KCNQ5: variants seen among roughly 807,000 people sequenced by gnomAD.
KCNQ5 encodes the protein potassium voltage-gated channel subfamily Q member 5, also known as potassium voltage-gated channel subfamily KQT member 5.
KCNQ5 carries 30 observed loss-of-function variants against 98.2 expected under a neutral mutation model. That is an observed-to-expected ratio of 0.31 (90% CI 0.23 to 0.41). The LOEUF (loss-of-function observed/expected upper bound fraction) is 0.41. Ranked by LOEUF, KCNQ5 falls within the 10% of genes least tolerant of loss-of-function variation. The pLI is 1.00. For missense variants in KCNQ5, 835 were observed against 1,182.5 expected (o/e 0.71, Z 4.31); for synonymous variants, 458 against 449.4 (o/e 1.02, Z -0.24).
chr6:72,661,508 A>G (rs965460360), intron 1 of KCNQ5, among the ~76,000 whole-genome samples: 14 of 152,150 alleles, frequency 9.2e-5, no homozygotes, highest in African/African-American at 2.2e-4. Context: ...GAGAATACAT[A>G]GAAGATTTTT....
intron 1 of KCNQ5, among the ~76,000 whole-genome samples, chr6:72,645,317 T>G (rs1480499080): frequency 6.6e-6 from 1 of 151,376 alleles, no homozygotes; most frequent in Non-Finnish European, 1.5e-5. Context: ...GCTCAGGAGT[T>G]TGCAGCTGCA....
chr6:72,788,633 T>A (rs772398639), intron 1 of KCNQ5, among the ~76,000 whole-genome samples: 1 of 152,276 alleles, frequency 6.6e-6, no homozygotes, highest in Non-Finnish European at 1.5e-5. Flanking sequence ...ACAAATAGTT[T>A]ATAACAATTT....
At chr6:72,885,944 A>G (rs941559066) in intron 1 of KCNQ5, among the ~76,000 whole-genome samples, 2 of 152,228 alleles carry the variant, frequency 1.3e-5, no homozygotes, top group African/African-American at 4.8e-5. Flanking sequence ...CTCTTATATG[A>G]GTGTCAACTT....
chr6:72,853,463 C>A (rs1012104364), intron 1 of KCNQ5, among the ~76,000 whole-genome samples: 2 of 152,144 alleles, frequency 1.3e-5, no homozygotes, highest in Non-Finnish European at 2.9e-5. Flanking sequence ...CCTGTCTCAA[C>A]CACCCGAGAA....
chr6:72,659,409 A>G (rs535055997), intron 1 of KCNQ5, among the ~76,000 whole-genome samples: 6 of 152,316 alleles, frequency 3.9e-5, no homozygotes, highest in South Asian at 2.1e-4. Context: ...ACAAACAACC[A>G]TCTATCTTAG....
intron 1 of KCNQ5, among the ~76,000 whole-genome samples, chr6:72,778,919 A>C (rs1393403463): frequency 1.3e-5 from 2 of 152,222 alleles, no homozygotes; most frequent in African/African-American, 4.8e-5. Context: ...GCTTTTGTAA[A>C]GATATTCATT....
chr6:73,176,907 T>C lies in KCNQ5; in HGVS notation c.1577+7053T>C, dbSNP rs75837253. Among the ~76,000 whole-genome samples the C allele has an allele frequency of 1.1e-3, 161 of 152,224 alleles. 1 individual carries two copies. In the East Asian group the frequency reaches 0.023, roughly 21 times the overall value. On this transcript the variant is annotated intron_variant, in intron 11 of 13. Coordinates refer to ENST00000370398, the MANE Select transcript of KCNQ5 (RefSeq NM_019842.4). The stretch of plus-strand genomic sequence containing the variant: ...TGGTAGCTGTCAGCACAGAGATAAA[T>C]GGTTTGTGGAAGTCTCACCCCAGGG...
At chr6:73,023,936 A>G (rs1770734156) in intron 2 of KCNQ5, among the ~76,000 whole-genome samples, 1 of 152,232 alleles carries the variant, frequency 6.6e-6, no homozygotes, top group African/African-American at 2.4e-5. Context: ...CAATTTTTTC[A>G]AAGGACAAAG....
chr6:73,068,525 C>G (rs1034910322), intron 3 of KCNQ5, among the ~76,000 whole-genome samples: 1 of 152,048 alleles, frequency 6.6e-6, no homozygotes, highest in Admixed American at 6.6e-5. Context: ...TCACAGTTAA[C>G]TTATTCAATT....
chr6:72,708,761 C>T (rs1302998652), intron 1 of KCNQ5, among the ~76,000 whole-genome samples: 1 of 152,134 alleles, frequency 6.6e-6, no homozygotes, highest in African/African-American at 2.4e-5. Flanking sequence ...AGTGATCCAC[C>T]TCCCTTCGCC....
Position 73,140,184 on chromosome 6 carries a change from G to T in KCNQ5, c.1468+6543G>T, listed in dbSNP as rs534519739. 8.0e-4 allele frequency among the ~76,000 whole-genome samples: 121 copies of T among 152,142 alleles called. 1 individual carries two copies. In the South Asian group the frequency reaches 0.025, roughly 31 times the overall value. On this transcript the variant is annotated intron_variant, in intron 10 of 13. Coordinates refer to ENST00000370398, the MANE Select transcript of KCNQ5 (RefSeq NM_019842.4). ...TTTCTTCCAAGCAGTATAAATCACA[G>T]ACTATCAGTATTTTCTATTTGACTA...
chr6:72,925,036 A>G (rs1052261967), intron 1 of KCNQ5, among the ~76,000 whole-genome samples: 5 of 152,168 alleles, frequency 3.3e-5, no homozygotes, highest in African/African-American at 1.2e-4. Context: ...TAAATCATAA[A>G]AATGTTTATG....
intron 5 of KCNQ5, among the ~76,000 whole-genome samples, chr6:73,083,456 A>G (rs1211958287): frequency 6.6e-6 from 1 of 152,236 alleles, no homozygotes; most frequent in African/African-American, 2.4e-5. Flanking sequence ...TAGCTCCCAC[A>G]AAAGTTGAGT....
At chr6:73,037,990 A>C (rs1771515883) in intron 2 of KCNQ5, among the ~76,000 whole-genome samples, 1 of 152,112 alleles carries the variant, frequency 6.6e-6, no homozygotes, top group African/African-American at 2.4e-5. Flanking sequence ...TGCTATGATC[A>C]GTCTTCCAAT....
At chr6:72,833,791 T>G (rs1330235201) in intron 1 of KCNQ5, among the ~76,000 whole-genome samples, 1 of 152,034 alleles carries the variant, frequency 6.6e-6, no homozygotes, top group African/African-American at 2.4e-5. Context: ...TAGAAAAACC[T>G]GAAAGTTCAT....
intron 1 of KCNQ5, among the ~76,000 whole-genome samples, chr6:72,728,139 T>A (rs571058045): frequency 1.6e-4 from 25 of 152,336 alleles, no homozygotes; most frequent in African/African-American, 5.8e-4. Flanking sequence ...CAAAGTCATA[T>A]AACATATGGT....
At chr6:73,002,036 T>C (rs939994039) in intron 1 of KCNQ5, among the ~76,000 whole-genome samples, 15 of 152,096 alleles carry the variant, frequency 9.9e-5, no homozygotes, top group Non-Finnish European at 2.1e-4. Context: ...GGTGGGAGGA[T>C]AGCTTGAACC....
intron 1 of KCNQ5, among the ~76,000 whole-genome samples, chr6:72,892,220 T>C (rs1779083145): frequency 6.6e-6 from 1 of 152,124 alleles, no homozygotes; most frequent in Non-Finnish European, 1.5e-5. Flanking sequence ...GAACCTTCCT[T>C]CAGGAAGGTA....
In KCNQ5 at chr6:72,650,999, A is replaced by T. The variant is rs561876221; in HGVS notation, c.398+28412A>T. Among the ~76,000 whole-genome samples the T allele has an allele frequency of 4.6e-5, 7 of 152,202 alleles. No individual in the cohort carries two copies. The South Asian group carries it at 8.3e-4, about 18-fold the overall frequency. Reference sequence around the variant, plus strand: ...GGCAGGTGGGAAGGAATAGGAACAGAGGCCAAATGCAGGAGATAATATTTT... The same window carrying T: ...GGCAGGTGGGAAGGAATAGGAACAGTGGCCAAATGCAGGAGATAATATTTT... On this transcript the variant is annotated intron_variant, in intron 1 of 13. Transcript: ENST00000370398.
Sources: allele counts gnomAD v4.1 joint callset (sites outside exome capture counted in the v4.1 genomes callset), GRCh38; gene constraint gnomAD v4.1.1; transcripts MANE v1.5; gene names NCBI Gene and HGNC (gene_info 2026-07-23, HGNC 2026-07-21).